Variants in MDN1 observed in about 807,000 individuals in gnomAD.
MDN1 encodes midasin AAA ATPase 1, also known as midasin.
Under a neutral mutation model 669.2 loss-of-function variants are expected in MDN1, and 266 were observed. The observed-to-expected ratio is 0.40, with a 90% CI of 0.36 to 0.44. The LOEUF (loss-of-function observed/expected upper bound fraction) is 0.44. Among genes scored for constraint, MDN1 ranks in the 20% least tolerant of loss-of-function variants. MDN1 has a pLI of 1.00. For missense variants in MDN1, 5,940 were observed against 6,754.0 expected, an observed-to-expected ratio of 0.88 and a Z score of 4.22; for synonymous variants, 2,385 against 2,457.1, an observed-to-expected ratio of 0.97 and a Z score of 0.87.
chr6:89,782,385 C>A (rs929798969), intron 9 of MDN1, among the ~76,000 whole-genome samples: 1 of 151,878 alleles, frequency 6.6e-6, no homozygotes, highest in African/African-American at 2.4e-5. Flanking sequence ...TGCCTGAGTC[C>A]AAGAGTTTGA....
intron 5 of MDN1, among the ~76,000 whole-genome samples, chr6:89,793,025 A>G (rs1819363449): frequency 6.6e-6 from 1 of 152,162 alleles, no homozygotes; most frequent in African/African-American, 2.4e-5. Flanking sequence ...GTGACAACTG[A>G]CTGAAGACTG....
At chr6:89,799,026 G>T (rs1290856262) in intron 2 of MDN1, among the ~76,000 whole-genome samples, 1 of 152,168 alleles carries the variant, frequency 6.6e-6, no homozygotes, top group East Asian at 1.9e-4. Context: ...TCTTGGAGAG[G>T]AAGAAAAGTC....
rs757057880 is a variant in MDN1, at chr6:89,758,964, G to A, written c.2461-4C>T. 1 of 1,611,914 alleles carries A rather than the reference G, an allele frequency of 6.2e-7. No homozygotes were observed. The highest frequency in any genetic ancestry group is 8.5e-7 in the Non-Finnish European group (1 of 1,178,668). On this transcript the variant is annotated splice_region_variant and splice_polypyrimidine_tract_variant and intron_variant, in intron 17 of 101. Transcript: ENST00000369393. ...TTACAGCCTGAGCTAATGTACCCTA[G>A]AAAAAGATAAAATAAAATGTTAACA...
chr6:89,648,760 G>A (rs566164961), intron 97 of MDN1, among the ~76,000 whole-genome samples: 1 of 148,362 alleles, frequency 6.7e-6, no homozygotes, highest in Admixed American at 6.8e-5. Context: ...CAGGAAAGTT[G>A]AGGCTACAGT....
Position 89,655,765 on chromosome 6 carries a change from A to G in MDN1, c.15489T>C (p.Tyr5163=), listed in dbSNP as rs746179175. ...GCAGCAGCTTTCCCAGGACCGTACC[A>G]TAGGTCTGTGCATCGTATGCGTCAC... ...QGSDAYDAQT[Y]DVASKEQQQS... is the part of the protein sequence containing the mutation. Residue 5163 remains tyrosine (Y), a splice_region_variant and synonymous_variant, in exon 92 of 102, where the codon TAT becomes TAC. Transcript: ENST00000369393. The G allele has an allele frequency of 1.2e-6, 2 of 1,602,346 alleles. No homozygotes were observed. The highest frequency in any genetic ancestry group is 1.1e-5 in the South Asian group (1 of 88,962).
Position 89,750,363 on chromosome 6 carries a change from A to C in MDN1, c.3397T>G (p.Phe1133Val), listed in dbSNP as rs1435509138. The C allele has an allele frequency of 6.2e-7, 1 of 1,607,874 alleles. No homozygotes were observed. The highest frequency in any genetic ancestry group is 8.5e-7 in the Non-Finnish European group (1 of 1,174,940). ...GGAATCTTAACCCTACCTTCCTTAAAGACAAGCTTCCCTGAGGAGTCAGAC... is the reference window on the plus strand; with the variant it reads ...GGAATCTTAACCCTACCTTCCTTAACGACAAGCTTCCCTGAGGAGTCAGAC... ...YTSDSSGKLV[F>V]KEGVLIDAMR... The change falls in exon 24 of 102, where the codon TTT (phenylalanine) becomes GTT (valine). Residue 1133 changes from phenylalanine (F) to valine (V), a missense_variant. Coordinates refer to ENST00000369393, the MANE Select transcript of MDN1 (RefSeq NM_014611.3).
chr6:89,729,676 C>CGT (rs1815456648), intron 35 of MDN1, among the ~76,000 whole-genome samples: 1 of 107,962 alleles, frequency 9.3e-6, no homozygotes. Flanking sequence ...GTTTTGTTTT[C>CGT]GTTTTTTTTT....
chr6:89,681,739 T>G (rs537975044), intron 73 of MDN1, among the ~76,000 whole-genome samples: 16 of 152,148 alleles, frequency 1.1e-4, no homozygotes, highest in Non-Finnish European at 2.1e-4. Flanking sequence ...ATAACAAAAA[T>G]AGCTTAAGGA....
At chr6:89,765,430 T>C (rs923170561) in intron 15 of MDN1, among the ~76,000 whole-genome samples, 4 of 152,180 alleles carry the variant, frequency 2.6e-5, no homozygotes, top group East Asian at 3.8e-4. Context: ...TGGTGAGAAA[T>C]TGAACAAAAT....
At chr6:89,803,725 G>C (rs1269625553) in intron 1 of MDN1, among the ~76,000 whole-genome samples, 171 bp from the exon 2 acceptor site, 1 of 151,636 alleles carries the variant, frequency 6.6e-6, no homozygotes, top group Non-Finnish European at 1.5e-5. Context: ...GGGACTACAG[G>C]CGCCCGCCAC....
chr6:89,662,710 G>T, intron 86 of MDN1, 82 bp downstream of exon 86: 1 of 1,411,626 alleles, frequency 7.1e-7, no homozygotes, highest in East Asian at 2.4e-5. Flanking sequence ...AAAAAGAAGA[G>T]AAGTAAATGA....
Position 89,774,537 on chromosome 6 carries a change from C to T in MDN1, c.1934+84G>A, listed in dbSNP as rs1483822043. ...TATCACAGTTCAGACATGTGTTTTG[C>T]ACAAAGACAAGAGGCTGAGCTAGAC... On this transcript the variant is annotated intron_variant, in intron 13 of 101. Coordinates refer to ENST00000369393, the MANE Select transcript of MDN1 (RefSeq NM_014611.3). 1.3e-5 allele frequency: 13 copies of T among 996,258 alleles called. No individual in the cohort carries two copies. The Admixed American group carries it at 2.1e-4, about 16-fold the overall frequency. 61.7% of individuals were successfully genotyped at this position (996,258 alleles called of 1,614,324 possible).
rs764928439 is a variant in MDN1, at chr6:89,664,458, C to T, written c.14236+29G>A. The T allele has an allele frequency of 1.2e-5, 19 of 1,608,580 alleles. No individual in the cohort carries two copies. In the South Asian group the frequency reaches 2.1e-4, roughly 18 times the overall value. ...GATAAAATATTTATGCTTTCAAAAA[C>T]AAGAATGAAGTGACAGATAATCTGA... On this transcript the variant is annotated intron_variant, in intron 85 of 101. Coordinates refer to ENST00000369393, the MANE Select transcript of MDN1 (RefSeq NM_014611.3).
intron 83 of MDN1, among the ~76,000 whole-genome samples, chr6:89,669,918 A>C (rs1007947045): frequency 6.6e-6 from 1 of 151,642 alleles, no homozygotes; most frequent in Non-Finnish European, 1.5e-5. Context: ...CTAAAGAAAA[A>C]AACTGGCTGG....
At chr6:89,676,354 C>A in intron 76 of MDN1, 147 bp from the exon 77 acceptor site, 1 of 681,028 alleles carries the variant, frequency 1.5e-6, no homozygotes. Context: ...TTCAGTGAGG[C>A]ACTCATTAGT....
chr6:89,756,254 A>G (rs1217460356), intron 20 of MDN1, 23 bp downstream of exon 20: 1 of 1,198,618 alleles, frequency 8.3e-7, no homozygotes, highest in Non-Finnish European at 1.2e-6. Context: ...AGAGCTTATA[A>G]AGACATACAA....
At chr6:89,791,906 G>A (rs1176253481) in intron 5 of MDN1, among the ~76,000 whole-genome samples, 1 of 128,176 alleles carries the variant, frequency 7.8e-6, no homozygotes, top group African/African-American at 3.1e-5. Context: ...TTGAGACAGA[G>A]TCTCACTCTG....
At position 89,658,711 on chromosome 6, in the gene MDN1, C is replaced by A. The variant is rs1019557410; in HGVS notation, c.14920G>T (p.Glu4974Ter). 1.2e-6 allele frequency: 2 copies of A among 1,614,046 alleles called. No homozygotes were observed. The highest frequency in any genetic ancestry group is 2.7e-5 in the African/African-American group (2 of 74,914). Reference sequence around the variant, plus strand: ...GACTGCTGCTGCTCCTCAGAGTGTTCTTCAGGATGCTGAGCAGCATCTCCA... The same window carrying A: ...GACTGCTGCTGCTCCTCAGAGTGTTATTCAGGATGCTGAGCAGCATCTCCA... Reference protein sequence around the residue: ...QDGDAAQHPEEHSEEQQQSVE... With the variant: ...QDGDAAQHPE Residue 4974 changes from glutamate (E) to a stop codon, truncating the protein, a stop_gained, in exon 89 of 102, where the codon GAA becomes TAA. Coordinates refer to ENST00000369393, the MANE Select transcript of MDN1 (RefSeq NM_014611.3). LOFTEE classifies it high-confidence loss of function.
chr6:89,748,511 G>T (rs1402698614), intron 26 of MDN1, among the ~76,000 whole-genome samples: 1 of 152,144 alleles, frequency 6.6e-6, no homozygotes, highest in Non-Finnish European at 1.5e-5. Context: ...AAGATCAGCT[G>T]TAGCTTTGCA....
Sources: gnomAD v4.1 joint callset for allele counts (sites outside exome capture counted in the v4.1 genomes callset) on GRCh38, gnomAD v4.1.1 for gene constraint, MANE v1.5 for transcripts, NCBI Gene and HGNC (gene_info 2026-07-23, HGNC 2026-07-21) for gene names.